The following GSK3A variants were observed in gnomAD, a reference collection of about 807,000 sequenced individuals.
GSK3A encodes the protein glycogen synthase kinase-3 alpha.
Under a neutral mutation model 56.6 loss-of-function variants are expected in GSK3A, and 14 were observed. The observed-to-expected ratio is 0.25, with a 90% CI of 0.16 to 0.39. The LOEUF is 0.39. Ranked by LOEUF, GSK3A falls within the 10% of genes least tolerant of loss-of-function variation. The pLI is 1.00. For missense variants in GSK3A, 450 were observed against 656.0 expected (o/e 0.69, Z 3.43); for synonymous variants, 301 against 285.0 (o/e 1.06, Z -0.56).
intron 2 of GSK3A, among the ~76,000 whole-genome samples, chr19:42,237,953 C>T (rs2036268476): frequency 6.6e-6 from 1 of 151,742 alleles, no homozygotes; most frequent in Non-Finnish European, 1.5e-5. Flanking sequence ...CTATGTTGGC[C>T]AGGTTGGTTT....
At position 42,233,198 on chromosome 19, in the gene GSK3A, C is replaced by T; in HGVS notation, c.1010G>A (p.Gly337Glu). Residue 337 changes from glycine (G) to glutamate (E), a missense_variant, in exon 8 of 11, where the codon GGA becomes GAA. Transcript: ENST00000222330. ...TCGGATTTGTTCCCGGGTTGGTGTT[C>T]CCAGCACCTGTAAAGAGAGGGAGGG... ...DQLVEIIKVL[G>E]TPTREQIREM... 1 of 1,607,102 alleles carries T rather than the reference C, an allele frequency of 6.2e-7. No individual in the cohort carries two copies. The highest frequency in any genetic ancestry group is 8.5e-7 in the Non-Finnish European group (1 of 1,176,188).
At position 42,242,361 on chromosome 19, in the gene GSK3A, GCCGCCGCCGCCTCCTCCGCCT is replaced by G; in HGVS notation, c.84_104del (p.Gly29_Gly35del). On this transcript the variant is annotated inframe_deletion, in exon 1 of 11. Coordinates refer to ENST00000222330, the MANE Select transcript of GSK3A (RefSeq NM_019884.3). ...CTGGGCCGGAGGCCGAGCCTCCGGG[GCCGCCGCCGCCTCCTCCGCCT>G]CCGCCGCCGGGCTCCGCGAACGAGC... 4 of 1,402,442 alleles carry G rather than the reference GCCGCCGCCGCCTCCTCCGCCT, an allele frequency of 2.9e-6. No homozygotes were observed. Among genetic ancestry groups the G allele is most frequent in the African/African-American group, 1.5e-5 (1 of 66,330 alleles). The allele number at this position is 1,402,442 out of a possible 1,614,324, so 86.9% of individuals were successfully genotyped here. A position where few individuals can be genotyped will look rare whatever the true frequency, so the allele number is the denominator to read the frequency against.
chr19:42,234,269 T>C lies in GSK3A; in HGVS notation c.904+84A>G. ...TACAAGAACAGAAGTTAAGCTTTCA[T>C]CACCAAGCTTGGCATACAGCACACA... On this transcript the variant is annotated intron_variant, in intron 6 of 10. Coordinates refer to ENST00000222330, the MANE Select transcript of GSK3A (RefSeq NM_019884.3). The surrounding 1 kb of genome is among the most constrained non-coding windows in gnomAD (Gnocchi z 5.7). 1 of 938,580 alleles carries C rather than the reference T, an allele frequency of 1.1e-6. No homozygotes were observed. The highest frequency in any genetic ancestry group is 2.4e-5 in the East Asian group (1 of 41,514). 58.1% of individuals were successfully genotyped at this position (938,580 alleles called of 1,614,324 possible).
rs369326507 is a variant in GSK3A at position 42,230,318 on chromosome 19, G to T, written c.*476C>A. 1.2e-5 allele frequency: 2 copies of T among 166,890 alleles called. No individual in the cohort carries two copies. The highest frequency in any genetic ancestry group is 1.3e-5 in the Non-Finnish European group (1 of 76,202). 10.3% of individuals were successfully genotyped at this position (166,890 alleles called of 1,614,324 possible). A position where few individuals can be genotyped will look rare whatever the true frequency, so the allele number is the denominator to read the frequency against. ...TGGGGTGAGGAGGGAGTAGACCTTG[G>T]GGGCAGAGGACAGGAGGGGAGTTAC... On this transcript the variant is annotated 3_prime_UTR_variant, in exon 11 of 11. Transcript: ENST00000222330.
chr19:42,233,308 T>C lies in GSK3A; in HGVS notation c.980A>G (p.Asp327Gly). Residue 327 changes from aspartate to glycine, a missense_variant, in exon 7 of 11, where the codon GAC becomes GGC. Transcript: ENST00000222330. Reference protein sequence around the residue: ...QPIFPGDSGVDQLVEIIKVLG... With the variant: ...QPIFPGDSGVGQLVEIIKVLG... ...CACCTTGATGATCTCCACCAGCTGG[T>C]CCACCCCACTGTCCCCAGGGAAGAT... is the stretch of plus-strand genomic sequence containing the variant. 1 of 1,496,708 alleles carries C rather than the reference T, an allele frequency of 6.7e-7. No homozygotes were observed. Among genetic ancestry groups the C allele is most frequent in the Non-Finnish European group, 9.1e-7 (1 of 1,104,748 alleles). 92.7% of individuals were successfully genotyped at this position (1,496,708 alleles called of 1,614,324 possible). A position where few individuals can be genotyped will look rare whatever the true frequency, so the allele number is the denominator to read the frequency against.
At chr19:42,237,328 T>A (rs1599812188) in intron 2 of GSK3A, among the ~76,000 whole-genome samples, 1 of 151,480 alleles carries the variant, frequency 6.6e-6, no homozygotes, top group African/African-American at 2.4e-5. Flanking sequence ...CCAGCTAATT[T>A]TTGTATTTTT....
intron 2 of GSK3A, among the ~76,000 whole-genome samples, chr19:42,237,925 A>T (rs2036268303): frequency 6.6e-6 from 1 of 151,418 alleles, no homozygotes. Context: ...TATTATTATT[A>T]TTTTTAAAAG....
Position 42,233,349 on chromosome 19 carries a change from G to C in GSK3A, c.939C>G (p.Leu313=). ...CAGGGAAGATGGGCTGGCCCAAGAGGAGCTCTGCCAGTACACAGCCAGCTG... is the reference window on the plus strand; with the variant it reads ...CAGGGAAGATGGGCTGGCCCAAGAGCAGCTCTGCCAGTACACAGCCAGCTG... ...VWSAGCVLAE[L]LLGQPIFPGD... The change falls in exon 7 of 11, where the codon CTC becomes CTG. Residue 313 remains leucine, a synonymous_variant. Coordinates refer to ENST00000222330, the MANE Select transcript of GSK3A (RefSeq NM_019884.3). The C allele has an allele frequency of 3.1e-6, 5 of 1,588,070 alleles. No homozygotes were observed. Among genetic ancestry groups the C allele is most frequent in the Non-Finnish European group, 4.3e-6 (5 of 1,165,756 alleles).
chr19:42,236,955 G>A lies in GSK3A; in HGVS notation c.472-14C>T. On this transcript the variant is annotated splice_polypyrimidine_tract_variant and intron_variant, in intron 2 of 10. Coordinates refer to ENST00000222330, the MANE Select transcript of GSK3A (RefSeq NM_019884.3). ...CAGCTCTCGGTTCTTGAGGGCAAAG[G>A]GAGAGTCTCAGAATACAACCAACTC... 6.3e-7 allele frequency: 1 copy of A among 1,580,216 alleles called. No individual in the cohort carries two copies. The highest frequency in any genetic ancestry group is 8.7e-7 in the Non-Finnish European group (1 of 1,149,288).
intron 1 of GSK3A, chr19:42,240,419 T>C: frequency 1.7e-6 from 1 of 580,200 alleles, no homozygotes; most frequent in Non-Finnish European, 3.1e-6. Flanking sequence ...TTTCTACTTC[T>C]AGGAAGCAAC....
Position 42,234,790 on chromosome 19 carries a change from C to T in GSK3A, c.667-112G>A. On this transcript the variant is annotated intron_variant, in intron 4 of 10. Transcript: ENST00000222330. The surrounding 1 kb of genome is among the most constrained non-coding windows in gnomAD (Gnocchi z 5.7). Reference sequence around the variant, plus strand: ...CCAGGCCCACTCTCCCTGCTGCCCCCACAGCTTTGGGGAAACCCATTTGAA... The same window carrying T: ...CCAGGCCCACTCTCCCTGCTGCCCCTACAGCTTTGGGGAAACCCATTTGAA... 2 of 1,160,148 alleles carry T rather than the reference C, an allele frequency of 1.7e-6. No individual in the cohort carries two copies. The highest frequency in any genetic ancestry group is 2.4e-6 in the Non-Finnish European group (2 of 849,150). The allele number at this position is 1,160,148 out of a possible 1,614,324, so 71.9% of individuals were successfully genotyped here.
In GSK3A at chr19:42,240,124, G is replaced by A. The variant is rs965827350; in HGVS notation, c.302C>T (p.Thr101Ile). The A allele has an allele frequency of 4.3e-6, 7 of 1,614,014 alleles. No individual in the cohort carries two copies. The African/African-American group carries it at 5.3e-5, about 12-fold the overall frequency. The change falls in exon 2 of 11, where the codon ACC (threonine) becomes ATC (isoleucine). Residue 101 changes from threonine to isoleucine, a missense_variant. Physicochemically the swap from Thr to Ile is moderately conservative, Grantham distance 89 (BLOSUM62 -1). This residue lies in a region of GSK3A where 193 missense variants were observed against 200.5 expected (regional missense o/e 0.96). Transcript: ENST00000222330. The stretch of plus-strand genomic sequence containing the variant: ...TTGGCCTAGAGTGGCTACGACTGTG[G>A]TCACCTTCCCGCTGTCACCTGGGGA... ...VKLGRDSGKV[T>I]TVVATLGQGP...
Position 42,234,492 on chromosome 19 carries a change from G to T in GSK3A, c.798-33C>A. ...AAGAGATGGGCAGGGGTACACGTGA[G>T]GCAAGGGTTGGGGTCCCCCCTGCCT... On this transcript the variant is annotated intron_variant, in intron 5 of 10. Transcript: ENST00000222330. The surrounding 1 kb of genome is among the most constrained non-coding windows in gnomAD (Gnocchi z 5.7). 6.2e-7 allele frequency: 1 copy of T among 1,613,532 alleles called. No homozygotes were observed. The highest frequency in any genetic ancestry group is 8.5e-7 in the Non-Finnish European group (1 of 1,179,468).
Position 42,236,953 on chromosome 19 carries a change from AG to A in GSK3A, c.472-13del. On this transcript the variant is annotated splice_polypyrimidine_tract_variant and intron_variant, in intron 2 of 10. Transcript: ENST00000222330. ...TGCAGCTCTCGGTTCTTGAGGGCAA[AG>A]GGAGAGTCTCAGAATACAACCAACT... The A allele has an allele frequency of 6.3e-7, 1 of 1,583,590 alleles. No homozygotes were observed. The highest frequency in any genetic ancestry group is 8.7e-7 in the Non-Finnish European group (1 of 1,152,364).
Position 42,234,712 on chromosome 19 carries a change from C to T in GSK3A, c.667-34G>A, listed in dbSNP as rs1412007049. 6.6e-7 allele frequency: 1 copy of T among 1,514,612 alleles called. No individual in the cohort carries two copies. Among genetic ancestry groups the T allele is most frequent in the Non-Finnish European group, 8.9e-7 (1 of 1,125,290 alleles). 93.8% of individuals were successfully genotyped at this position (1,514,612 alleles called of 1,614,324 possible). On this transcript the variant is annotated intron_variant, in intron 4 of 10. Transcript: ENST00000222330. The surrounding 1 kb of genome is among the most constrained non-coding windows in gnomAD (Gnocchi z 5.7). ...GGCACAGGATAGCAGAACTTTAGCC[C>T]AGCTTTCCCCATACAGCACCACTAC...
Position 42,235,075 on chromosome 19 carries a change from C to T in GSK3A, c.667-397G>A, listed in dbSNP as rs186109961. The stretch of plus-strand genomic sequence containing the variant: ...TCAGGAGGCGGAGGTTGCAGTGAGC[C>T]GAGATCGCACCACTGCACTCCAGCG... On this transcript the variant is annotated intron_variant, in intron 4 of 10. Transcript: ENST00000222330. 2.5e-3 allele frequency among the ~76,000 whole-genome samples: 385 copies of T among 151,976 alleles called. 1 individual carries two copies. Among genetic ancestry groups the T allele is most frequent in the Non-Finnish European group, 4.3e-3 (291 of 67,966 alleles).
chr19:42,236,723 G>A lies in GSK3A; in HGVS notation c.556-7C>T, dbSNP rs1376611449. 4.4e-6 allele frequency: 7 copies of A among 1,600,524 alleles called. No individual in the cohort carries two copies. Among genetic ancestry groups the A allele is most frequent in the East Asian group, 2.2e-5 (1 of 44,816 alleles). On this transcript the variant is annotated splice_region_variant and splice_polypyrimidine_tract_variant and intron_variant, in intron 3 of 10. Coordinates refer to ENST00000222330, the MANE Select transcript of GSK3A (RefSeq NM_019884.3). Reference sequence around the variant, plus strand: ...TTAGGTAAAGCTCGTCTTTCTGCAGGGAGCAAAGGAGAGGTGTGAGGCACT... The same window carrying A: ...TTAGGTAAAGCTCGTCTTTCTGCAGAGAGCAAAGGAGAGGTGTGAGGCACT...
intron 4 of GSK3A, among the ~76,000 whole-genome samples, chr19:42,236,296 C>G (rs1043712685): frequency 2.0e-5 from 3 of 152,194 alleles, no homozygotes; most frequent in Non-Finnish European, 4.4e-5. Context: ...CCCACCACCC[C>G]CTTATCCTGA....
At chr19:42,237,542 A>C (rs969338043) in intron 2 of GSK3A, among the ~76,000 whole-genome samples, 1 of 151,750 alleles carries the variant, frequency 6.6e-6, no homozygotes, top group African/African-American at 2.4e-5. Flanking sequence ...TAAAAGCCAA[A>C]TGGCACCTTC....
Sources: allele counts gnomAD v4.1 joint callset (sites outside exome capture counted in the v4.1 genomes callset), GRCh38; gene constraint gnomAD v4.1.1; regional missense constraint gnomAD v4.1.1; non-coding constraint Gnocchi (gnomAD v3.1); transcripts MANE v1.5; gene names NCBI Gene and HGNC (gene_info 2026-07-23, HGNC 2026-07-21).